Variants in FERRY3 observed in about 807,000 individuals in gnomAD.
FERRY3 encodes the protein protein C12orf4.
At chr12:4,489,942 T>C in the FERRY3 span, 34 of 1,267,778 alleles carry the variant, frequency 2.7e-5, no homozygotes, top group African/African-American at 4.3e-4. Flanking sequence ...TAAATCATCA[T>C]TGATTTTAAA....
chr12:4,511,184 A>T, the FERRY3 span, among the ~76,000 whole-genome samples: 1 of 151,794 alleles, frequency 6.6e-6, no homozygotes, highest in South Asian at 2.1e-4. Context: ...CAACAAGAAG[A>T]GCTAACTATC....
chr12:4,525,324 T>A, the FERRY3 span: 1 of 1,613,690 alleles, frequency 6.2e-7, no homozygotes, highest in Non-Finnish European at 8.5e-7. Flanking sequence ...TACTCTTGTT[T>A]TTGGATGGCA....
chr12:4,491,119 C>G, the FERRY3 span: 72 of 1,528,522 alleles, frequency 4.7e-5, no homozygotes, highest in Non-Finnish European at 6.4e-5. Context: ...GGTTGCTCTA[C>G]TTTCAATGTT....
At chr12:4,512,450 T>G in the FERRY3 span, among the ~76,000 whole-genome samples, 1 of 152,282 alleles carries the variant, frequency 6.6e-6, no homozygotes, top group Non-Finnish European at 1.5e-5. Flanking sequence ...AAGCAAATTT[T>G]AGACCAATAT....
chr12:4,524,703 A>G, the FERRY3 span, among the ~76,000 whole-genome samples: 1 of 152,210 alleles, frequency 6.6e-6, no homozygotes, highest in Non-Finnish European at 1.5e-5. Context: ...AGGAAATAAC[A>G]TAGGTATGGT....
the FERRY3 span, among the ~76,000 whole-genome samples, chr12:4,501,748 T>C: frequency 6.6e-6 from 1 of 152,164 alleles, no homozygotes; most frequent in Non-Finnish European, 1.5e-5. Context: ...TCATTAAATA[T>C]TGAAATGTAA....
chr12:4,495,934 C>T, the FERRY3 span, among the ~76,000 whole-genome samples: 11 of 152,094 alleles, frequency 7.2e-5, no homozygotes, highest in East Asian at 1.9e-4. Flanking sequence ...TTTGAAGTGA[C>T]GGACATATTT....
the FERRY3 span, among the ~76,000 whole-genome samples, chr12:4,517,684 A>AATATATATATATATATATATATATAT: frequency 2.8e-5 from 4 of 140,562 alleles, no homozygotes; most frequent in African/African-American, 1.1e-4. Context: ...AGGTTATTAA[A>AATATATATATATATATATATATATAT]ATATATATAT....
the FERRY3 span, among the ~76,000 whole-genome samples, chr12:4,521,175 A>G: frequency 1.3e-5 from 2 of 152,188 alleles, no homozygotes; most frequent in Admixed American, 6.5e-5. Context: ...CCTGGCCAAC[A>G]TGGTGAAACA....
the FERRY3 span, among the ~76,000 whole-genome samples, chr12:4,532,272 G>A: frequency 2.0e-5 from 3 of 152,106 alleles, no homozygotes; most frequent in East Asian, 5.8e-4. Flanking sequence ...CTGCAAGACT[G>A]CAGCTCACTG....
the FERRY3 span, among the ~76,000 whole-genome samples, chr12:4,498,165 A>G: frequency 6.6e-6 from 1 of 152,228 alleles, no homozygotes; most frequent in Non-Finnish European, 1.5e-5. Flanking sequence ...GTAGTATCAG[A>G]TGTCTGGAAG....
chr12:4,532,814 A>G, the FERRY3 span, among the ~76,000 whole-genome samples: 8 of 152,262 alleles, frequency 5.3e-5, no homozygotes, highest in East Asian at 9.6e-4. Context: ...TGTCTTGCCG[A>G]TATCCTCAAC....
At chr12:4,518,869 T>G in the FERRY3 span, 4 of 1,572,580 alleles carry the variant, frequency 2.5e-6, no homozygotes, top group African/African-American at 5.5e-5. Flanking sequence ...TGGCTGAACT[T>G]TAATTTCCTC....
the FERRY3 span, among the ~76,000 whole-genome samples, chr12:4,492,840 T>C: frequency 3.9e-5 from 6 of 152,346 alleles, no homozygotes; most frequent in East Asian, 1.2e-3. Context: ...TCACACATAA[T>C]ATGTAAGCCT....
the FERRY3 span, among the ~76,000 whole-genome samples, chr12:4,510,864 C>T: frequency 1.3e-5 from 2 of 151,736 alleles, no homozygotes; most frequent in Non-Finnish European, 2.9e-5. Flanking sequence ...CAGCTAACAT[C>T]ATAATGACAG....
chr12:4,525,131 A>G, the FERRY3 span: 1 of 1,223,282 alleles, frequency 8.2e-7, no homozygotes, highest in South Asian at 1.6e-5. Context: ...ACAGCATAAA[A>G]TTGTCTTGAA....
At chr12:4,489,952 A>G in the FERRY3 span, 1 of 1,217,478 alleles carries the variant, frequency 8.2e-7, no homozygotes, top group South Asian at 1.3e-5. Flanking sequence ...TTGATTTTAA[A>G]AATAATTTTA....
chr12:4,495,172 AT>A, the FERRY3 span, among the ~76,000 whole-genome samples: 5,512 of 152,226 alleles, frequency 0.036, 332 homozygotes, highest in African/African-American at 0.12. Flanking sequence ...GCTGATTCTC[AT>A]TCACGGCATC....
the FERRY3 span, among the ~76,000 whole-genome samples, chr12:4,498,429 A>G: frequency 6.6e-6 from 1 of 152,144 alleles, no homozygotes; most frequent in Non-Finnish European, 1.5e-5. Context: ...TACAGTAGGG[A>G]AAAAAATGTT....
Sources: allele counts gnomAD v4.1 joint callset (sites outside exome capture counted in the v4.1 genomes callset), GRCh38; gene constraint gnomAD v4.1.1; transcripts MANE v1.5; gene names NCBI Gene and HGNC (gene_info 2026-07-23, HGNC 2026-07-21).